ANGPT1: variants seen among roughly 807,000 people sequenced by gnomAD.
The protein encoded by ANGPT1 is angiopoietin-1.
ANGPT1 carries 17 observed loss-of-function variants against 62.2 expected under a neutral mutation model. The ratio of observed to expected loss-of-function variants is 0.27; its 90% CI spans 0.19 to 0.41. The LOEUF (loss-of-function observed/expected upper bound fraction) is 0.41. Among genes scored for constraint, ANGPT1 ranks in the 10% least tolerant of loss-of-function variants. ANGPT1 has a pLI of 1.00. For synonymous variants in ANGPT1, 199 were observed against 198.9 expected (o/e 1.00, Z 0.00); for missense variants, 478 against 594.9 (o/e 0.80, Z 2.04).
At position 107,492,533 on chromosome 8, in the gene ANGPT1, C is replaced by T. The variant is rs372630839; in HGVS notation, c.297+4729G>A. ...TGTATTTTTAGTAGAGACAGGGTTT[C>T]GCCATGTTGGCCAGGCTGGTCTCGA... is the stretch of plus-strand genomic sequence containing the variant. On this transcript the variant is annotated intron_variant, in intron 1 of 8. Transcript: ENST00000517746. 2.7e-4 allele frequency among the ~76,000 whole-genome samples: 41 copies of T among 152,250 alleles called. No individual in the cohort carries two copies. The South Asian group carries it at 3.9e-3, about 15-fold the overall frequency.
intron 1 of ANGPT1, among the ~76,000 whole-genome samples, chr8:107,427,305 T>C (rs1347448757): frequency 1.3e-5 from 2 of 152,196 alleles, no homozygotes; most frequent in African/African-American, 4.8e-5. Context: ...CACTGTCTCA[T>C]TGCTAAGTGT....
intron 8 of ANGPT1, among the ~76,000 whole-genome samples, chr8:107,256,194 A>ATCTT (rs1813352849): frequency 6.6e-6 from 1 of 152,244 alleles, no homozygotes; most frequent in Non-Finnish European, 1.5e-5. Context: ...ATGAAATAAA[A>ATCTT]GAGCAATTAT....
At chr8:107,334,549 A>C (rs1256372413) in intron 3 of ANGPT1, among the ~76,000 whole-genome samples, 1 of 148,888 alleles carries the variant, frequency 6.7e-6, no homozygotes, top group Non-Finnish European at 1.5e-5. Flanking sequence ...TTTTGTCCTT[A>C]TGCTATAATA....
intron 1 of ANGPT1, among the ~76,000 whole-genome samples, chr8:107,368,070 A>C (rs1448345972): frequency 6.6e-6 from 1 of 152,178 alleles, no homozygotes; most frequent in African/African-American, 2.4e-5. Flanking sequence ...GCCCAGATCC[A>C]TCTGAGGAAT....
rs184554549 is a variant in ANGPT1 at position 107,462,322 on chromosome 8, T to C, written c.297+34940A>G. ...GCCATCTCTTAAGCAGTACAGATTG[T>C]GTCTGGGTAGCACGAACATAATTCA... On this transcript the variant is annotated intron_variant, in intron 1 of 8. Coordinates refer to ENST00000517746, the MANE Select transcript of ANGPT1 (RefSeq NM_001146.5). 5.3e-5 allele frequency among the ~76,000 whole-genome samples: 8 copies of C among 151,834 alleles called. No homozygotes were observed. In the East Asian group the frequency reaches 1.4e-3, roughly 26 times the overall value.
chr8:107,401,556 CA>C (rs1337422134), intron 1 of ANGPT1, among the ~76,000 whole-genome samples: 2 of 152,164 alleles, frequency 1.3e-5, no homozygotes, highest in African/African-American at 4.8e-5. Flanking sequence ...TTTAAATCCT[CA>C]AAAGGTTAAT....
chr8:107,390,278 G>GAGCACATTGGAACCT (rs1263916180), intron 1 of ANGPT1, among the ~76,000 whole-genome samples: 2 of 152,148 alleles, frequency 1.3e-5, no homozygotes, highest in African/African-American at 2.4e-5. Context: ...TTATGAAACT[G>GAGCACATTGGAACCT]AGCACATTGG....
At chr8:107,256,952 G>C (rs1007616685) in intron 8 of ANGPT1, among the ~76,000 whole-genome samples, 3 of 152,098 alleles carry the variant, frequency 2.0e-5, no homozygotes, top group Non-Finnish European at 2.9e-5. Context: ...CGCCTCTCGG[G>C]TTCAAGCCAT....
At chr8:107,444,542 G>A (rs554116289) in intron 1 of ANGPT1, among the ~76,000 whole-genome samples, 14 of 152,250 alleles carry the variant, frequency 9.2e-5, no homozygotes, top group African/African-American at 3.1e-4. Context: ...TGAAGATTTT[G>A]CAATTTGAAG....
At chr8:107,356,237 C>T (rs779174920) in intron 1 of ANGPT1, among the ~76,000 whole-genome samples, 4 of 152,310 alleles carry the variant, frequency 2.6e-5, no homozygotes, top group Non-Finnish European at 4.4e-5. Context: ...CCAAACATCT[C>T]GACTATGAGT....
chr8:107,324,075 G>A (rs574918032), intron 3 of ANGPT1, among the ~76,000 whole-genome samples: 181 of 151,652 alleles, frequency 1.2e-3, no homozygotes, highest in Non-Finnish European at 1.8e-3. Context: ...CACTGTGCCC[G>A]GCCAGTGTCA....
At chr8:107,364,794 T>C (rs1310776881) in intron 1 of ANGPT1, among the ~76,000 whole-genome samples, 1 of 152,180 alleles carries the variant, frequency 6.6e-6, no homozygotes, top group Non-Finnish European at 1.5e-5. Context: ...CTTGAGCAAT[T>C]TTAATCCAGA....
intron 8 of ANGPT1, among the ~76,000 whole-genome samples, chr8:107,259,419 G>T (rs1813442600): frequency 6.6e-6 from 1 of 152,104 alleles, no homozygotes; most frequent in African/African-American, 2.4e-5. Context: ...GATGTACTAA[G>T]AAATTTACGT....
intron 1 of ANGPT1, among the ~76,000 whole-genome samples, chr8:107,361,224 A>T (rs892215492): frequency 6.6e-6 from 1 of 152,012 alleles, no homozygotes; most frequent in South Asian, 2.1e-4. Context: ...AAGTTTACTA[A>T]CAAAATCCAA....
intron 1 of ANGPT1, among the ~76,000 whole-genome samples, chr8:107,411,847 T>C (rs563850667): frequency 1.3e-5 from 2 of 152,236 alleles, no homozygotes; most frequent in African/African-American, 4.8e-5. Context: ...CTCTCTTTCT[T>C]CTATAATCTG....
In ANGPT1 at chr8:107,445,507, A is replaced by G. The variant is rs149120712; in HGVS notation, c.297+51755T>C. On this transcript the variant is annotated intron_variant, in intron 1 of 8. Coordinates refer to ENST00000517746, the MANE Select transcript of ANGPT1 (RefSeq NM_001146.5). Reference sequence around the variant, plus strand: ...TTTGGCCAAGTATTTAGGTTTCTTAAATATATATTATGGACCTCCTACTTT... The same window carrying G: ...TTTGGCCAAGTATTTAGGTTTCTTAGATATATATTATGGACCTCCTACTTT... Among the ~76,000 whole-genome samples the G allele has an allele frequency of 7.8e-3, 1,190 of 152,252 alleles. 3 individuals carry two copies. Among genetic ancestry groups the G allele is most frequent in the African/African-American group, 0.013 (530 of 41,540 alleles).
chr8:107,470,331 T>G (rs2130495734), intron 1 of ANGPT1, among the ~76,000 whole-genome samples: 1 of 152,166 alleles, frequency 6.6e-6, no homozygotes, highest in East Asian at 1.9e-4. Flanking sequence ...ACAAAGACAT[T>G]TATAGAGGTT....
chr8:107,322,711 A>C (rs527360683), intron 3 of ANGPT1: 1 of 326,804 alleles, frequency 3.1e-6, no homozygotes, highest in South Asian at 2.6e-5. Context: ...AAGAAAGAAA[A>C]AAATCTCTTA....
In ANGPT1 at chr8:107,366,617, C is replaced by T. The variant is rs151031869; in HGVS notation, c.298-19520G>A. Reference sequence around the variant, plus strand: ...AGTTAACAGTTGTGAAACTTAACTGCGTATTGTTACTTATAAACACTTCAA... The same window carrying T: ...AGTTAACAGTTGTGAAACTTAACTGTGTATTGTTACTTATAAACACTTCAA... On this transcript the variant is annotated intron_variant, in intron 1 of 8. Transcript: ENST00000517746. 2.7e-3 allele frequency among the ~76,000 whole-genome samples: 411 copies of T among 152,150 alleles called. 7 individuals are homozygous for T. The highest frequency in any genetic ancestry group is 1.5e-3 in the South Asian group (7 of 4,818).
Sources: gnomAD v4.1 joint callset for allele counts (sites outside exome capture counted in the v4.1 genomes callset) on GRCh38, gnomAD v4.1.1 for gene constraint, MANE v1.5 for transcripts, NCBI Gene and HGNC (gene_info 2026-07-23, HGNC 2026-07-21) for gene names.